TUT7: variants seen among roughly 807,000 people sequenced by gnomAD.
The protein encoded by TUT7 is terminal uridylyl transferase 7.
A neutral mutation model predicts 165.9 loss-of-function variants in TUT7; 33 were observed. The observed-to-expected ratio is 0.20, with a 90% CI of 0.15 to 0.27. TUT7 has a LOEUF of 0.27. Among genes scored for constraint, TUT7 ranks in the 10% least tolerant of loss-of-function variants. The pLI, the probability that TUT7 is intolerant of heterozygous loss-of-function variation, is 1.00. For synonymous variants in TUT7, 552 were observed against 608.1 expected (o/e 0.91, Z 1.36); for missense variants, 1,338 against 1,762.3 (o/e 0.76, Z 4.31).
intron 22 of TUT7, among the ~76,000 whole-genome samples, chr9:86,307,298 A>G (rs966489776): frequency 6.6e-6 from 1 of 152,200 alleles, no homozygotes; most frequent in Non-Finnish European, 1.5e-5. Flanking sequence ...GAATACCTTA[A>G]TAAGTGACAG....
At chr9:86,328,590 G>A (rs530352932) in intron 10 of TUT7, 98 bp from the exon 11 acceptor site, 69 of 968,626 alleles carry the variant, frequency 7.1e-5, no homozygotes, top group Non-Finnish European at 8.1e-5. Context: ...ATAGTTCAAC[G>A]AAAATACAAA....
intron 2 of TUT7, among the ~76,000 whole-genome samples, chr9:86,350,079 C>T (rs1832138036): frequency 6.6e-6 from 1 of 152,118 alleles, no homozygotes; most frequent in Admixed American, 6.5e-5. Context: ...CACCTGTAAT[C>T]CCAACACTTT....
intron 26 of TUT7, among the ~76,000 whole-genome samples, chr9:86,297,783 A>G (rs1372498807): frequency 6.6e-6 from 1 of 152,082 alleles, no homozygotes; most frequent in Non-Finnish European, 1.5e-5. Flanking sequence ...AAAACCCTAC[A>G]ATAGTCTCTC....
rs1188145613 is a variant in TUT7, at chr9:86,353,056, T to G, written c.144A>C (p.Glu48Asp). ...DHAKGHGSKM[E>D]KGLQKKKITP... ...TTATCTTCTTTTTTTGAAGGCCCTT[T>G]TCCATTTTACTGCCATGGCCTTTAG... Residue 48 changes from glutamate to aspartate, a missense_variant, in exon 2 of 27, where the codon GAA becomes GAC. This residue lies in a region of TUT7 where 434 missense variants were observed against 480.8 expected (regional missense o/e 0.90). Coordinates refer to ENST00000375963, the MANE Select transcript of TUT7 (RefSeq NM_024617.4). 3.1e-6 allele frequency: 5 copies of G among 1,614,208 alleles called. No individual in the cohort carries two copies. The highest frequency in any genetic ancestry group is 4.2e-6 in the Non-Finnish European group (5 of 1,180,030).
At chr9:86,313,227 AC>A (rs1392096836) in intron 17 of TUT7, among the ~76,000 whole-genome samples, 1 of 152,212 alleles carries the variant, frequency 6.6e-6, no homozygotes, top group Admixed American at 6.5e-5. Flanking sequence ...GGGAGGAATC[AC>A]TGACCACATC....
intron 10 of TUT7, among the ~76,000 whole-genome samples, 173 bp from the exon 11 acceptor site, chr9:86,328,665 A>G (rs1158521837): frequency 2.6e-5 from 4 of 152,218 alleles, no homozygotes; most frequent in African/African-American, 9.6e-5. Flanking sequence ...AAAGTAAAAA[A>G]CAAGGTTTTG....
At chr9:86,352,501 A>G (rs2131634101) in intron 2 of TUT7, 179 bp downstream of exon 2, 1 of 731,338 alleles carries the variant, frequency 1.4e-6, no homozygotes, top group African/African-American at 1.8e-5. Context: ...AATGTGTTTT[A>G]GCTGCTCAAA....
chr9:86,312,626 T>C (rs1484282699), intron 17 of TUT7, among the ~76,000 whole-genome samples: 2 of 152,136 alleles, frequency 1.3e-5, no homozygotes, highest in East Asian at 3.9e-4. Context: ...CAACAGCTCA[T>C]TGAGAACAGG....
intron 10 of TUT7, among the ~76,000 whole-genome samples, chr9:86,332,359 T>C (rs202222493): frequency 6.6e-6 from 1 of 151,900 alleles, no homozygotes; most frequent in Non-Finnish European, 1.5e-5. Flanking sequence ...TATGCAGCCA[T>C]AAAAAAACCC....
rs924834263 is a variant in TUT7, at chr9:86,298,764, T to C, written c.4420+2512A>G. ...ACATTTGTTTTTTTTAAAACCCACA[T>C]ACCTGACTGGGGACTCAAAAATATT... On this transcript the variant is annotated intron_variant, in intron 26 of 26. Transcript: ENST00000375963. 84 of 984,322 alleles carry C rather than the reference T, an allele frequency of 8.5e-5. No homozygotes were observed. The African/African-American group carries it at 1.3e-3, about 15-fold the overall frequency. 61.0% of individuals were successfully genotyped at this position (984,322 alleles called of 1,614,324 possible). A position where few individuals can be genotyped will look rare whatever the true frequency, so the allele number is the denominator to read the frequency against.
In TUT7 at chr9:86,338,159, C is replaced by T. The variant is rs139630381; in HGVS notation, c.1336-621G>A. On this transcript the variant is annotated intron_variant, in intron 9 of 26. Coordinates refer to ENST00000375963, the MANE Select transcript of TUT7 (RefSeq NM_024617.4). ...GGAAGTATCTATTGTTATTGATATA[C>T]CTGAATCAGTAAAGCTTTTGATTTT... is the stretch of plus-strand genomic sequence containing the variant. Among the ~76,000 whole-genome samples the T allele has an allele frequency of 9.1e-3, 1,389 of 151,994 alleles. 13 individuals carry two copies. The highest frequency in any genetic ancestry group is 0.015 in the Non-Finnish European group (1,036 of 67,998).
At chr9:86,310,129 G>T in intron 18 of TUT7, 112 bp from the exon 19 acceptor site, 1 of 884,152 alleles carries the variant, frequency 1.1e-6, no homozygotes, top group Non-Finnish European at 1.7e-6. Flanking sequence ...ATGTTGCCCA[G>T]GCTGGTCATG....
intron 24 of TUT7, 46 bp downstream of exon 24, chr9:86,304,810 G>A (rs1036087569): frequency 1.5e-5 from 19 of 1,306,488 alleles, no homozygotes; most frequent in Non-Finnish European, 2.0e-5. Flanking sequence ...TACAAATTAG[G>A]CACTTTTTTT....
At chr9:86,350,075 TA>T (rs1188241958) in intron 2 of TUT7, among the ~76,000 whole-genome samples, 1 of 152,204 alleles carries the variant, frequency 6.6e-6, no homozygotes, top group Non-Finnish European at 1.5e-5. Context: ...CTCACACCTG[TA>T]ATCCCAACAC....
chr9:86,341,004 C>T lies in TUT7; in HGVS notation c.1136G>A (p.Ser379Asn). The stretch of plus-strand genomic sequence containing the variant: ...TTAAATGTGGAATTTGGCCTTACCA[C>T]TGTTCTTTAAACATTCTTGAACAAG... Reference protein sequence around the residue: ...LLLVQECLKNSDSFIDVDADF... With the variant: ...LLLVQECLKNNDSFIDVDADF... Residue 379 changes from serine (S) to asparagine (N), a missense_variant and splice_region_variant, in exon 7 of 27, where the codon AGT becomes AAT. Physicochemically the swap from Ser to Asn is conservative, Grantham distance 46. Around this residue, in one of 7 missense-constraint regions of TUT7, gnomAD observed 434 missense variants for 480.8 expected, o/e 0.90. Coordinates refer to ENST00000375963, the MANE Select transcript of TUT7 (RefSeq NM_024617.4). 1 of 1,611,154 alleles carries T rather than the reference C, an allele frequency of 6.2e-7. No homozygotes were observed.
chr9:86,341,431 T>C (rs1240634712), intron 6 of TUT7, among the ~76,000 whole-genome samples: 1 of 152,200 alleles, frequency 6.6e-6, no homozygotes, highest in Non-Finnish European at 1.5e-5. Flanking sequence ...TGCACTTCTT[T>C]TTAAAATCCT....
intron 26 of TUT7, among the ~76,000 whole-genome samples, chr9:86,289,948 G>A (rs1002991186): frequency 2.0e-5 from 3 of 151,984 alleles, no homozygotes; most frequent in Non-Finnish European, 4.4e-5. Context: ...AGAATATTAG[G>A]TATACACAGA....
At chr9:86,313,408 G>C (rs930347364) in intron 17 of TUT7, among the ~76,000 whole-genome samples, 1 of 152,174 alleles carries the variant, frequency 6.6e-6, no homozygotes, top group African/African-American at 2.4e-5. Flanking sequence ...GCTAGGGGTA[G>C]TAAGAGAGGA....
intron 25 of TUT7, 140 bp from the exon 26 acceptor site, chr9:86,301,741 T>A: frequency 6.9e-7 from 1 of 1,457,844 alleles, no homozygotes; most frequent in Non-Finnish European, 9.0e-7. Flanking sequence ...AGCAAGAACC[T>A]AAATGAAAAT....
Sources: gnomAD v4.1 joint callset for allele counts (sites outside exome capture counted in the v4.1 genomes callset) on GRCh38, gnomAD v4.1.1 for gene constraint, gnomAD v4.1.1 regional missense constraint, MANE v1.5 for transcripts, NCBI Gene and HGNC (gene_info 2026-07-23, HGNC 2026-07-21) for gene names.